TEX36: variants seen among roughly 807,000 people sequenced by gnomAD.
The protein encoded by TEX36 is testis-expressed protein 36.
A neutral mutation model predicts 13.6 loss-of-function variants in TEX36; 12 were observed. That is an observed-to-expected ratio of 0.88 (90% CI 0.56 to 1.43). The LOEUF is 1.43. Among genes scored for constraint, TEX36 ranks in the 40% most tolerant of loss-of-function variants. The probability of loss-of-function intolerance (pLI) is 0.00; values close to 1 mark genes in which losing one functional copy is unlikely to be tolerated. For synonymous variants in TEX36, 93 were observed against 83.0 expected (o/e 1.12, Z -0.65); for missense variants, 224 against 228.3 (o/e 0.98, Z 0.12).
intron 3 of TEX36, among the ~76,000 whole-genome samples, chr10:125,613,497 T>C (rs1438486512): frequency 1.4e-5 from 2 of 139,426 alleles, no homozygotes; most frequent in Non-Finnish European, 3.0e-5. Context: ...GTTCTCATTG[T>C]TCAATTCTCA....
intron 3 of TEX36, among the ~76,000 whole-genome samples, chr10:125,634,354 C>T (rs149420098): frequency 1.3e-5 from 2 of 152,218 alleles, no homozygotes; most frequent in African/African-American, 2.4e-5. Flanking sequence ...GATGTCATTC[C>T]GGAGAGGGTA....
chr10:125,666,679 A>G (rs1472466136), intron 1 of TEX36, among the ~76,000 whole-genome samples: 1 of 151,888 alleles, frequency 6.6e-6, no homozygotes, highest in East Asian at 1.9e-4. Context: ...CCCTCCTCCA[A>G]CCTTGAATAG....
At chr10:125,590,975 TC>T (rs957362774) in intron 3 of TEX36, among the ~76,000 whole-genome samples, 1 of 152,174 alleles carries the variant, frequency 6.6e-6, no homozygotes, top group South Asian at 2.1e-4. Flanking sequence ...TATATTTTTT[TC>T]CCCACATGTG....
Position 125,655,924 on chromosome 10 carries a change from CT to C in TEX36, c.536del (p.Lys179ArgfsTer28), listed in dbSNP as rs1846932701. 2.0e-6 allele frequency: 3 copies of C among 1,531,016 alleles called. No individual in the cohort carries two copies. The highest frequency in any genetic ancestry group is 2.5e-5 in the East Asian group (1 of 40,576). The allele number at this position is 1,531,016 out of a possible 1,614,324, so 94.8% of individuals were successfully genotyped here. Reference protein sequence around the residue: ...KPKVRFTVDKKVVSSLES With the variant: ...KPKVRFTVDKXVVSSLES ...ATTAGGACTCCAGTGAAGAAACAACCTTTTTGTCAACAGTGAACCTTACTTT... is the reference window on the plus strand; with the variant it reads ...ATTAGGACTCCAGTGAAGAAACAACCTTTTGTCAACAGTGAACCTTACTTT... On this transcript the variant is annotated frameshift_variant, in exon 4 of 4. Transcript: ENST00000368821. LOFTEE classifies it high-confidence loss of function.
At chr10:125,599,868 G>A (rs1039160404) in intron 3 of TEX36, among the ~76,000 whole-genome samples, 14 of 152,190 alleles carry the variant, frequency 9.2e-5, no homozygotes, top group Non-Finnish European at 1.2e-4. Context: ...ACCTTCCCTG[G>A]CTTCCAGGCC....
At chr10:125,635,696 T>C (rs2133570655) in intron 3 of TEX36, among the ~76,000 whole-genome samples, 1 of 152,244 alleles carries the variant, frequency 6.6e-6, no homozygotes, top group Non-Finnish European at 1.5e-5. Flanking sequence ...TCCTTGGGGC[T>C]CTGCCTGCTT....
chr10:125,621,139 T>A (rs1324490551), downstream of TEX36, among the ~76,000 whole-genome samples: 1 of 152,184 alleles, frequency 6.6e-6, no homozygotes, highest in Non-Finnish European at 1.5e-5. Flanking sequence ...TGGGTATATA[T>A]TCAAAATATT....
chr10:125,669,254 G>A lies in TEX36; in HGVS notation c.52-7277C>T, dbSNP rs906655352. On this transcript the variant is annotated intron_variant, in intron 1 of 3. Coordinates refer to ENST00000368821, the MANE Select transcript of TEX36 (RefSeq NM_001128202.3). ...TGCAGTGAGCAGAGATCGCACCACT[G>A]CCCTCCAGCCTGGAAACAGAGTGAG... Among the ~76,000 whole-genome samples the A allele has an allele frequency of 5.9e-5, 9 of 152,178 alleles. No homozygotes were observed. In the East Asian group the frequency reaches 1.5e-3, roughly 26 times the overall value.
downstream of TEX36, among the ~76,000 whole-genome samples, chr10:125,653,610 C>T (rs541150490): frequency 6.6e-6 from 1 of 152,086 alleles, no homozygotes; most frequent in African/African-American, 2.4e-5. Flanking sequence ...ACGTTGTGCA[C>T]ATGTACCCTA....
intron 1 of TEX36, among the ~76,000 whole-genome samples, chr10:125,670,744 T>C (rs2077436078): frequency 1.3e-5 from 2 of 152,236 alleles, no homozygotes; most frequent in Non-Finnish European, 2.9e-5. Context: ...TTTCAGTCTT[T>C]AGTCTGTCTT....
Position 125,656,094 on chromosome 10 carries a change from A to G in TEX36, c.367T>C (p.Ser123Pro). Residue 123 changes from serine (S) to proline (P), a missense_variant, in exon 4 of 4, where the codon TCA becomes CCA. Coordinates refer to ENST00000368821, the MANE Select transcript of TEX36 (RefSeq NM_001128202.3). ...TATACGTATGATATTTGGTTATTTGAAAAGCCATCAAGACAAGATGGAACA... is the reference window on the plus strand; with the variant it reads ...TATACGTATGATATTTGGTTATTTGGAAAGCCATCAAGACAAGATGGAACA... The part of the protein sequence containing the change: ...DYVPSCLDGF[S>P]NNQISYVYKE... 6.4e-7 allele frequency: 1 copy of G among 1,551,346 alleles called. No individual in the cohort carries two copies. The highest frequency in any genetic ancestry group is 8.7e-7 in the Non-Finnish European group (1 of 1,146,974).
In TEX36 at chr10:125,661,039, A is replaced by G; in HGVS notation, c.246T>C (p.Ser82=). ...VHDNRHSLEN[S]GCYLDSGLGR... Reference sequence around the variant, plus strand: ...TACTCACGGAGTCAAGGTAGCATCCAGAGTTCTCCAAGCTGTGCCGATTGT... The same window carrying G: ...TACTCACGGAGTCAAGGTAGCATCCGGAGTTCTCCAAGCTGTGCCGATTGT... The change falls in exon 3 of 4, where the codon TCT becomes TCC. Residue 82 remains serine, a synonymous_variant. Transcript: ENST00000368821. The G allele has an allele frequency of 1.3e-6, 2 of 1,551,894 alleles. No homozygotes were observed. The highest frequency in any genetic ancestry group is 1.7e-6 in the Non-Finnish European group (2 of 1,146,962).
intron 1 of TEX36, among the ~76,000 whole-genome samples, chr10:125,670,037 A>G (rs1410436369): frequency 6.6e-6 from 1 of 152,244 alleles, no homozygotes; most frequent in African/African-American, 2.4e-5. Flanking sequence ...TGCTATTGTG[A>G]ATAGTGCTGC....
chr10:125,636,828 G>A (rs956381136), intron 3 of TEX36, among the ~76,000 whole-genome samples: 3 of 152,082 alleles, frequency 2.0e-5, no homozygotes, highest in African/African-American at 4.8e-5. Flanking sequence ...TGTATAATAC[G>A]TTACTGTTGA....
At chr10:125,640,705 G>C (rs944114621) in intron 3 of TEX36, among the ~76,000 whole-genome samples, 3 of 152,126 alleles carry the variant, frequency 2.0e-5, no homozygotes, top group African/African-American at 7.2e-5. Context: ...CCAGGGAAAG[G>C]CAGGACTAGA....
At chr10:125,578,898 A>T (rs1845855361) in intron 3 of TEX36, among the ~76,000 whole-genome samples, 1 of 152,050 alleles carries the variant, frequency 6.6e-6, no homozygotes, top group South Asian at 2.1e-4. Flanking sequence ...TCCCTTTCCG[A>T]CCCACCTCTA....
At chr10:125,644,681 G>A (rs1012614015) in intron 3 of TEX36, among the ~76,000 whole-genome samples, 3 of 152,340 alleles carry the variant, frequency 2.0e-5, no homozygotes, top group East Asian at 3.9e-4. Context: ...TCTCACTCTT[G>A]TATAATCCCC....
In TEX36 at chr10:125,656,177, ATCT is replaced by A. The variant is rs763872498; in HGVS notation, c.281_283del (p.Lys94del). ...AACATGTTGCCTCTTATCTGGAGAG[ATCT>A]TCTTACGTCCCAGGCCCTGGAGAGA... On this transcript the variant is annotated inframe_deletion, in exon 4 of 4. Coordinates refer to ENST00000368821, the MANE Select transcript of TEX36 (RefSeq NM_001128202.3). The A allele has an allele frequency of 4.9e-5, 74 of 1,514,842 alleles. No individual in the cohort carries two copies. The highest frequency in any genetic ancestry group is 2.0e-4 in the East Asian group (8 of 40,096). The allele number at this position is 1,514,842 out of a possible 1,614,324, so 93.8% of individuals were successfully genotyped here.
rs189040215 is a variant in TEX36, at chr10:125,643,935, C to T, written c.264+17086G>A. ...TAAAACAAAACAAAGCAAAACAAAA[C>T]AAAAGAACAACAACAAAAAAAACAA... On this transcript the variant is annotated intron_variant, in intron 3 of 3. Transcript: ENST00000526819. Among the ~76,000 whole-genome samples, 173 of 152,028 alleles carry T rather than the reference C, an allele frequency of 1.1e-3. 2 individuals are homozygous for T. Among genetic ancestry groups the T allele is most frequent in the African/African-American group, 4.1e-3 (172 of 41,468 alleles).
Sources: gnomAD v4.1 joint callset for allele counts (sites outside exome capture counted in the v4.1 genomes callset) on GRCh38, gnomAD v4.1.1 for gene constraint, MANE v1.5 for transcripts, NCBI Gene and HGNC (gene_info 2026-07-23, HGNC 2026-07-21) for gene names.